The following BBS9 variants were observed in gnomAD, a reference collection of about 807,000 sequenced individuals.
The protein encoded by BBS9 is Bardet-Biedl syndrome 9.
In BBS9, 89 loss-of-function variants were observed where a neutral mutation model predicts 117.7. That is an observed-to-expected ratio of 0.76 (90% CI 0.64 to 0.90). The LOEUF is 0.90. Among genes scored for constraint, BBS9 ranks in the 40% least tolerant of loss-of-function variants. The pLI is 0.00. For missense variants in BBS9, 982 were observed against 1,042.2 expected (o/e 0.94, Z 0.80); for synonymous variants, 379 against 370.9 (o/e 1.02, Z -0.25).
At chr7:33,404,148 G>A (rs1044914833) in intron 19 of BBS9, among the ~76,000 whole-genome samples, 15 of 151,940 alleles carry the variant, frequency 9.9e-5, no homozygotes, top group African/African-American at 3.4e-4. Flanking sequence ...AAGATCAGAT[G>A]GTTGTAGATA....
At chr7:33,419,946 A>G (rs1832610175) in intron 19 of BBS9, among the ~76,000 whole-genome samples, 1 of 152,178 alleles carries the variant, frequency 6.6e-6, no homozygotes, top group Non-Finnish European at 1.5e-5. Context: ...TGGAAGAAAG[A>G]TATGAACAGA....
At chr7:33,314,235 C>CT (rs1436816842) in intron 9 of BBS9, 2 of 409,078 alleles carry the variant, frequency 4.9e-6, no homozygotes, top group Admixed American at 3.1e-5. Flanking sequence ...TTTTAATTTC[C>CT]TTTCTTTTTT....
chr7:33,499,382 A>C (rs951810747), intron 19 of BBS9, among the ~76,000 whole-genome samples: 1 of 152,194 alleles, frequency 6.6e-6, no homozygotes, highest in African/African-American at 2.4e-5. Flanking sequence ...CTTGGTTCCC[A>C]GGACATTGCC....
At chr7:33,179,486 C>A (rs747520804) in intron 5 of BBS9, among the ~76,000 whole-genome samples, 1 of 152,114 alleles carries the variant, frequency 6.6e-6, no homozygotes, top group Admixed American at 6.6e-5. Context: ...GGAGCACAAA[C>A]TCTATTGTGA....
intron 5 of BBS9, among the ~76,000 whole-genome samples, chr7:33,180,861 G>A (rs1410296328): frequency 2.0e-5 from 3 of 152,074 alleles, no homozygotes; most frequent in African/African-American, 7.2e-5. Context: ...AATAAACCCA[G>A]GCTAGCAACC....
chr7:33,599,124 T>C (rs1045797352), intron 21 of BBS9, among the ~76,000 whole-genome samples: 1 of 152,138 alleles, frequency 6.6e-6, no homozygotes, highest in African/African-American at 2.4e-5. Flanking sequence ...AAAGTAGGTT[T>C]TGAGGCAAGC....
At chr7:33,456,562 T>A (rs1838681877) in intron 19 of BBS9, among the ~76,000 whole-genome samples, 1 of 152,154 alleles carries the variant, frequency 6.6e-6, no homozygotes, top group African/African-American at 2.4e-5. Flanking sequence ...TGTTTTTGAG[T>A]TAAAAAAACA....
chr7:33,407,878 G>A (rs1458826323), intron 19 of BBS9, among the ~76,000 whole-genome samples: 2 of 152,234 alleles, frequency 1.3e-5, no homozygotes, highest in Non-Finnish European at 2.9e-5. Context: ...CTGCTCGTGG[G>A]TCAGGGGTCA....
chr7:33,322,988 G>A (rs1270834312), intron 9 of BBS9, among the ~76,000 whole-genome samples: 1 of 151,882 alleles, frequency 6.6e-6, no homozygotes, highest in Admixed American at 6.6e-5. Context: ...CTTCTTCATT[G>A]ATCCACTGTT....
rs192766266 is a variant in BBS9, at chr7:33,465,687, G to A, written c.2116-39776G>A. 3.2e-4 allele frequency among the ~76,000 whole-genome samples: 48 copies of A among 152,122 alleles called. No individual in the cohort carries two copies. The East Asian group carries it at 7.5e-3, about 24-fold the overall frequency. ...CTCAGTTTTCTCATCTGTAAAGTGT[G>A]GTGACAATAGCCTCATTTTGTAAGG... On this transcript the variant is annotated intron_variant, in intron 19 of 22. Coordinates refer to ENST00000242067, the MANE Select transcript of BBS9 (RefSeq NM_198428.3).
At chr7:33,315,901 T>C (rs77458889) in intron 9 of BBS9, among the ~76,000 whole-genome samples, 22,522 of 152,180 alleles carry the variant, frequency 0.15, 2,538 homozygotes, top group African/African-American at 0.31. Context: ...TAAACAATTA[T>C]CAACCTTCTG....
intron 19 of BBS9, among the ~76,000 whole-genome samples, chr7:33,505,034 A>C (rs1845948181): frequency 6.6e-6 from 1 of 152,190 alleles, no homozygotes; most frequent in Non-Finnish European, 1.5e-5. Flanking sequence ...TGTTCTGAAA[A>C]AAGTGTAATG....
At chr7:33,415,809 A>G (rs1401777212) in intron 19 of BBS9, among the ~76,000 whole-genome samples, 3 of 152,122 alleles carry the variant, frequency 2.0e-5, no homozygotes, top group African/African-American at 4.8e-5. Context: ...TGGCTCACCT[A>G]GTGGTTTTTA....
chr7:33,315,427 C>T (rs1450286848), intron 9 of BBS9, among the ~76,000 whole-genome samples: 1 of 152,142 alleles, frequency 6.6e-6, no homozygotes, highest in Non-Finnish European at 1.5e-5. Flanking sequence ...TCGGAATGAT[C>T]TCATCATTCT....
intron 19 of BBS9, among the ~76,000 whole-genome samples, chr7:33,406,394 C>A (rs138192041): frequency 0.01 from 1,575 of 152,208 alleles, 10 homozygotes; most frequent in Middle Eastern, 0.037. Flanking sequence ...ATCCAATTTG[C>A]TAGTCTGTGT....
chr7:33,550,314 T>C (rs769602800), intron 21 of BBS9, among the ~76,000 whole-genome samples: 7 of 152,054 alleles, frequency 4.6e-5, no homozygotes, highest in Non-Finnish European at 8.8e-5. Flanking sequence ...TTAGGGTGCC[T>C]AGATAAAGTA....
At chr7:33,299,874 T>C (rs1230714791) in intron 9 of BBS9, among the ~76,000 whole-genome samples, 5 of 152,172 alleles carry the variant, frequency 3.3e-5, no homozygotes, top group African/African-American at 9.7e-5. Context: ...TTTTTGACTT[T>C]AGTGTTGGGG....
chr7:33,176,611 T>C (rs886920739), intron 4 of BBS9, among the ~76,000 whole-genome samples: 8 of 152,214 alleles, frequency 5.3e-5, no homozygotes, highest in Non-Finnish European at 1.2e-4. Context: ...TATATAAATT[T>C]ATAAATAAAT....
chr7:33,493,631 A>G (rs1047558278), intron 19 of BBS9, among the ~76,000 whole-genome samples: 2 of 152,198 alleles, frequency 1.3e-5, no homozygotes, highest in Non-Finnish European at 2.9e-5. Flanking sequence ...TCCTTTAGGT[A>G]GTAGACTACC....
Sources: gnomAD v4.1 joint callset for allele counts (sites outside exome capture counted in the v4.1 genomes callset) on GRCh38, gnomAD v4.1.1 for gene constraint, MANE v1.5 for transcripts, NCBI Gene and HGNC (gene_info 2026-07-23, HGNC 2026-07-21) for gene names.